LAMC1: variants seen among roughly 807,000 people sequenced by gnomAD.
The protein encoded by LAMC1 is laminin subunit gamma 1, also known as laminin subunit gamma-1.
A neutral mutation model predicts 173.6 loss-of-function variants in LAMC1; 38 were observed. The observed-to-expected ratio is 0.22, with a 90% CI of 0.17 to 0.29. The LOEUF (loss-of-function observed/expected upper bound fraction) is 0.29. Among genes scored for constraint, LAMC1 ranks in the 10% least tolerant of loss-of-function variants. LAMC1 has a pLI of 1.00. For synonymous variants in LAMC1, 746 were observed against 749.1 expected (o/e 1.00, Z 0.07); for missense variants, 1,824 against 2,051.8 (o/e 0.89, Z 2.14).
Position 183,023,660 on chromosome 1 carries a change from C to G in LAMC1, c.-57C>G. The G allele has an allele frequency of 8.8e-7, 1 of 1,138,416 alleles. No individual in the cohort carries two copies. Among genetic ancestry groups the G allele is most frequent in the African/African-American group, 1.6e-5 (1 of 61,262 alleles). 70.5% of individuals were successfully genotyped at this position (1,138,416 alleles called of 1,614,324 possible). A position where few individuals can be genotyped will look rare whatever the true frequency, so the allele number is the denominator to read the frequency against. On this transcript the variant is annotated 5_prime_UTR_variant, in exon 1 of 28. Coordinates refer to ENST00000258341, the MANE Select transcript of LAMC1 (RefSeq NM_002293.4). ...GCGGCCTCCGGGGGACGCCGCTAGG[C>G]GAGAGGAACGCGCCGGTGCCCTTGC...
chr1:183,138,062 T>C (rs1185605087), intron 26 of LAMC1: 3 of 297,742 alleles, frequency 1.0e-5, no homozygotes, highest in African/African-American at 6.8e-5. Context: ...AGTAAAACAT[T>C]GCTTTACACG....
chr1:183,107,699 G>A (rs1384809888), intron 2 of LAMC1, among the ~76,000 whole-genome samples: 6 of 152,054 alleles, frequency 3.9e-5, no homozygotes, highest in African/African-American at 1.4e-4. Flanking sequence ...GCGTGGTGGC[G>A]GGCGCCTGTA....
chr1:183,111,763 C>T (rs1054362712), intron 4 of LAMC1, among the ~76,000 whole-genome samples: 4 of 147,080 alleles, frequency 2.7e-5, no homozygotes, highest in African/African-American at 2.5e-5. Context: ...AGGCTGGGAA[C>T]GGTGGCTAAC....
chr1:183,108,995 A>G (rs1201574437), intron 3 of LAMC1, among the ~76,000 whole-genome samples: 1 of 152,198 alleles, frequency 6.6e-6, no homozygotes, highest in Non-Finnish European at 1.5e-5. Context: ...ACATGTTGTA[A>G]GCAGAAGTTT....
At chr1:183,121,298 CGCCTGTAA>C (rs1379038699) in intron 11 of LAMC1, among the ~76,000 whole-genome samples, 2 of 151,436 alleles carry the variant, frequency 1.3e-5, no homozygotes, top group Admixed American at 1.3e-4. Flanking sequence ...TGGTGGCATG[CGCCTGTAA>C]TCCCAGCTGC....
intron 1 of LAMC1, among the ~76,000 whole-genome samples, chr1:183,051,404 G>A (rs908219615): frequency 7.9e-5 from 12 of 152,184 alleles, no homozygotes; most frequent in African/African-American, 2.7e-4. Flanking sequence ...CCCCATCAAG[G>A]CACCAGGCAG....
rs371635130 is a variant in LAMC1, at chr1:183,113,707, C to A, written c.1022-824C>A. Among the ~76,000 whole-genome samples the A allele has an allele frequency of 5.3e-5, 8 of 152,164 alleles. No homozygotes were observed. In the East Asian group the frequency reaches 1.5e-3, roughly 29 times the overall value. ...CATCTGTCGTGGCACTAATTTTGAC[C>A]CATATGTCTCAAGTTACCCCAGTCT... On this transcript the variant is annotated intron_variant, in intron 4 of 27. Transcript: ENST00000258341.
Position 183,128,625 on chromosome 1 carries a change from TAG to T in LAMC1, c.3160_3161del (p.Leu1055HisfsTer9). 1.2e-6 allele frequency: 2 copies of T among 1,612,302 alleles called. No homozygotes were observed. The highest frequency in any genetic ancestry group is 1.7e-6 in the Non-Finnish European group (2 of 1,178,870). Reference sequence around the variant, plus strand: ...GATCATAGAGTGAAGCTCCAGGAATTAGAGAGTCTCATAGCAAACCTTGGAAC... The same window carrying T: ...GATCATAGAGTGAAGCTCCAGGAATTAGAGTCTCATAGCAAACCTTGGAAC... On this transcript the variant is annotated frameshift_variant, in exon 18 of 28. Transcript: ENST00000258341. LOFTEE classifies it high-confidence loss of function.
intron 1 of LAMC1, among the ~76,000 whole-genome samples, chr1:183,064,324 C>G (rs2102034580): frequency 6.6e-6 from 1 of 152,250 alleles, no homozygotes; most frequent in Admixed American, 6.5e-5. Context: ...CATACCTAGG[C>G]CATACGGGAT....
intron 1 of LAMC1, among the ~76,000 whole-genome samples, chr1:183,069,936 A>G (rs1424509382): frequency 6.6e-6 from 1 of 152,246 alleles, no homozygotes; most frequent in Non-Finnish European, 1.5e-5. Flanking sequence ...TAGTGTGGAC[A>G]AAGGCACCAA....
rs746238035 is a variant in LAMC1 at position 183,023,839 on chromosome 1, G to A, written c.123G>A (p.Thr41=). The change falls in exon 1 of 28, where the codon ACG becomes ACA. Residue 41 remains threonine, a synonymous_variant. Transcript: ENST00000258341. The stretch of plus-strand genomic sequence containing the variant: ...CCCAGGCAGCCATGGACGAGTGCAC[G>A]GACGAGGGCGGGCGGCCGCAGCGCT... ...GCAQAAMDEC[T]DEGGRPQRCM... The A allele has an allele frequency of 2.5e-6, 4 of 1,601,928 alleles. No individual in the cohort carries two copies. The highest frequency in any genetic ancestry group is 1.7e-5 in the Admixed American group (1 of 59,504).
At position 183,126,166 on chromosome 1, in the gene LAMC1, C is replaced by T. The variant is rs757720218; in HGVS notation, c.2848C>T (p.Arg950Cys). 16 of 1,614,170 alleles carry T rather than the reference C, an allele frequency of 9.9e-6. No individual in the cohort carries two copies. The highest frequency in any genetic ancestry group is 1.2e-5 in the Non-Finnish European group (14 of 1,180,018). The change falls in exon 16 of 28, where the codon CGC becomes TGC. Residue 950 changes from arginine (R) to cysteine (C), a missense_variant. Transcript: ENST00000258341. ...CTCCACCAATGGGCAGTGTGACATC[C>T]GCACCGGCCAGTGTGAGTGCCAGCC... ...LGSTNGQCDI[R>C]TGQCECQPGI...
intron 12 of LAMC1, 53 bp from the exon 13 acceptor site, chr1:183,122,010 T>C: frequency 1.2e-6 from 2 of 1,607,376 alleles, no homozygotes; most frequent in South Asian, 2.2e-5. Flanking sequence ...AAGTGCTCAT[T>C]GTCTTATATA....
chr1:183,054,815 G>A (rs1436599879), intron 1 of LAMC1, among the ~76,000 whole-genome samples: 1 of 152,130 alleles, frequency 6.6e-6, no homozygotes, highest in African/African-American at 2.4e-5. Flanking sequence ...TAGGACCACA[G>A]CCACCTTAGA....
At chr1:183,133,690 C>A in intron 22 of LAMC1, 140 bp downstream of exon 22, 1 of 797,872 alleles carries the variant, frequency 1.3e-6, no homozygotes, top group Non-Finnish European at 1.8e-6. Flanking sequence ...GCTAATAGAA[C>A]TTACCAAGGT....
At chr1:183,117,883 T>A in intron 10 of LAMC1, 151 bp from the exon 11 acceptor site, 1 of 749,716 alleles carries the variant, frequency 1.3e-6, no homozygotes, top group Non-Finnish European at 2.2e-6. Context: ...CTTTATCTTT[T>A]CCAATTGTAC....
intron 11 of LAMC1, among the ~76,000 whole-genome samples, chr1:183,120,108 G>A (rs1164402763): frequency 2.1e-5 from 3 of 144,942 alleles, no homozygotes; most frequent in Non-Finnish European, 3.0e-5. Context: ...GGTCAAGCTC[G>A]CAGTGAGCTG....
intron 1 of LAMC1, among the ~76,000 whole-genome samples, chr1:183,084,079 G>A (rs529967880): frequency 6.6e-6 from 1 of 152,302 alleles, no homozygotes; most frequent in East Asian, 1.9e-4. Flanking sequence ...TATTGGCTGG[G>A]CGCTGTGGCT....
intron 1 of LAMC1, among the ~76,000 whole-genome samples, chr1:183,082,294 G>A (rs186197272): frequency 6.6e-5 from 10 of 152,316 alleles, no homozygotes; most frequent in African/African-American, 2.2e-4. Context: ...TTCAGCAATT[G>A]TATGCTAAGA....
Sources: gnomAD v4.1 joint callset for allele counts (sites outside exome capture counted in the v4.1 genomes callset) on GRCh38, gnomAD v4.1.1 for gene constraint, MANE v1.5 for transcripts, NCBI Gene and HGNC (gene_info 2026-07-23, HGNC 2026-07-21) for gene names.